COL24A1: variants seen among roughly 807,000 people sequenced by gnomAD.
COL24A1 encodes the protein collagen type XXIV alpha 1 chain.
In COL24A1, 224 loss-of-function variants were observed where a neutral mutation model predicts 253.9. The observed-to-expected ratio is 0.88, with a 90% CI of 0.79 to 0.99. COL24A1 has a LOEUF of 0.99. Among genes scored for constraint, COL24A1 ranks in the 50% least tolerant of loss-of-function variants. COL24A1 has a pLI of 0.00. For missense variants in COL24A1, 2,131 were observed against 2,068.5 expected (o/e 1.03, Z -0.59); for synonymous variants, 685 against 673.7 (o/e 1.02, Z -0.26).
chr1:86,039,401 T>C (rs889615237), intron 12 of COL24A1, among the ~76,000 whole-genome samples: 3 of 152,190 alleles, frequency 2.0e-5, no homozygotes, highest in African/African-American at 7.2e-5. Context: ...ATTATTTTCC[T>C]AGCTCCACAA....
intron 20 of COL24A1, among the ~76,000 whole-genome samples, chr1:85,980,154 C>T (rs1376107096): frequency 6.6e-6 from 1 of 151,972 alleles, no homozygotes; most frequent in Non-Finnish European, 1.5e-5. Flanking sequence ...TGATTAAAAC[C>T]CTCAGCAAAA....
chr1:85,863,450 A>G (rs1278950281), intron 37 of COL24A1, among the ~76,000 whole-genome samples: 1 of 152,194 alleles, frequency 6.6e-6, no homozygotes, highest in Non-Finnish European at 1.5e-5. Context: ...TAAAAACCCT[A>G]GAAGAAAACC....
intron 32 of COL24A1, chr1:85,883,905 AATACC>A (rs1275493100): frequency 1.3e-5 from 2 of 152,230 alleles, no homozygotes; most frequent in Non-Finnish European, 2.9e-5. Flanking sequence ...CATGAGATAC[AATACC>A]GAATACACTG....
chr1:85,925,063 T>C (rs534042225), intron 24 of COL24A1, among the ~76,000 whole-genome samples: 89 of 152,168 alleles, frequency 5.8e-4, no homozygotes, highest in Middle Eastern at 3.4e-3. Flanking sequence ...GAGTGAACTC[T>C]CATTCACAAT....
intron 14 of COL24A1, among the ~76,000 whole-genome samples, chr1:86,024,280 TC>T (rs2101386594): frequency 6.6e-6 from 1 of 152,256 alleles, no homozygotes; most frequent in East Asian, 1.9e-4. Context: ...ACTTTTTTTT[TC>T]CTGCCTTCCT....
chr1:85,841,696 T>C (rs1173038319), intron 41 of COL24A1, among the ~76,000 whole-genome samples: 4 of 152,130 alleles, frequency 2.6e-5, no homozygotes, highest in Non-Finnish European at 5.9e-5. Flanking sequence ...GAGTCCAACC[T>C]GGGCAACAGT....
intron 7 of COL24A1, among the ~76,000 whole-genome samples, chr1:86,070,617 C>T (rs776588406): frequency 3.3e-5 from 5 of 152,038 alleles, no homozygotes; most frequent in East Asian, 1.9e-4. Flanking sequence ...TACTATGGAG[C>T]GGAAATACAT....
Position 85,988,285 on chromosome 1 carries a change from T to G in COL24A1, c.2311-631A>C, listed in dbSNP as rs1234470932. ...TTAATTAATAAATTGAATAAAATCT[T>G]TGACCTGTGTTTACTTTAAATTTGC... On this transcript the variant is annotated intron_variant, in intron 19 of 59. Transcript: ENST00000370571. Among the ~76,000 whole-genome samples the G allele has an allele frequency of 3.9e-5, 6 of 152,130 alleles. No individual in the cohort carries two copies. In the East Asian group the frequency reaches 1.2e-3, roughly 29 times the overall value.
intron 2 of COL24A1, among the ~76,000 whole-genome samples, chr1:86,128,011 T>G (rs561445137): frequency 6.6e-6 from 1 of 152,184 alleles, no homozygotes; most frequent in South Asian, 2.1e-4. Context: ...AATATTTGTA[T>G]CTATGATATT....
intron 24 of COL24A1, among the ~76,000 whole-genome samples, chr1:85,954,785 C>T (rs1251327332): frequency 6.6e-6 from 1 of 152,014 alleles, no homozygotes; most frequent in Non-Finnish European, 1.5e-5. Context: ...TACGAGTAGC[C>T]TAAAAACAGG....
At chr1:86,142,541 C>CAAAAA in intron 2 of COL24A1, among the ~76,000 whole-genome samples, 1 of 144,010 alleles carries the variant, frequency 6.9e-6, no homozygotes, top group East Asian at 2.1e-4. Flanking sequence ...AAACAAAAAA[C>CAAAAA]AAAAAACAAA....
intron 57 of COL24A1, among the ~76,000 whole-genome samples, chr1:85,741,248 A>G (rs561465697): frequency 1.3e-5 from 2 of 152,158 alleles, no homozygotes; most frequent in Non-Finnish European, 2.9e-5. Flanking sequence ...TGCTGTTTCT[A>G]CTAGTTCTCA....
At chr1:86,041,997 A>T (rs1699528345) in intron 12 of COL24A1, among the ~76,000 whole-genome samples, 1 of 152,102 alleles carries the variant, frequency 6.6e-6, no homozygotes, top group Admixed American at 6.6e-5. Flanking sequence ...GGTATCCTCT[A>T]ATATTAATTA....
At chr1:85,895,028 T>C (rs1416937435) in intron 31 of COL24A1, among the ~76,000 whole-genome samples, 4 of 152,158 alleles carry the variant, frequency 2.6e-5, no homozygotes, top group Non-Finnish European at 5.9e-5. Context: ...TATGTGTATA[T>C]AACAAATCAA....
In COL24A1 at chr1:86,088,207, C is replaced by T. The variant is rs74529240; in HGVS notation, c.1707+967G>A. Among the ~76,000 whole-genome samples the T allele has an allele frequency of 2.4e-3, 363 of 152,186 alleles. 9 individuals are homozygous for T. In the East Asian group the frequency reaches 0.045, roughly 19 times the overall value. On this transcript the variant is annotated intron_variant, in intron 7 of 59. Transcript: ENST00000370571. ...TGAAGCTTAGAAGTTAAGCAACCTGCCCAAAGTTGATGGAACCTACAAAAT... is the reference window on the plus strand; with the variant it reads ...TGAAGCTTAGAAGTTAAGCAACCTGTCCAAAGTTGATGGAACCTACAAAAT...
intron 57 of COL24A1, among the ~76,000 whole-genome samples, chr1:85,743,118 C>T (rs6682235): frequency 0.89 from 135,445 of 152,150 alleles, 61,070 homozygotes; most frequent in Non-Finnish European, 0.97. Context: ...GTCACTTCTT[C>T]GCTCAGCAAT....
Position 85,896,338 on chromosome 1 carries a change from A to G in COL24A1, c.2832+18T>C. Reference sequence around the variant, plus strand: ...ATAAAATTTAACTACATATGAAATGAGAAAAATCAATGATTACCTTGGCAC... The same window carrying G: ...ATAAAATTTAACTACATATGAAATGGGAAAAATCAATGATTACCTTGGCAC... On this transcript the variant is annotated intron_variant, in intron 29 of 59. Transcript: ENST00000370571. 6.2e-7 allele frequency: 1 copy of G among 1,607,348 alleles called. No individual in the cohort carries two copies. The highest frequency in any genetic ancestry group is 8.5e-7 in the Non-Finnish European group (1 of 1,174,146).
At chr1:85,977,285 G>T (rs974057011) in intron 20 of COL24A1, among the ~76,000 whole-genome samples, 1 of 152,128 alleles carries the variant, frequency 6.6e-6, no homozygotes, top group Non-Finnish European at 1.5e-5. Context: ...AACCAGAAAA[G>T]TAATTCTGGT....
At chr1:85,815,875 G>C (rs1275486448) in intron 47 of COL24A1, among the ~76,000 whole-genome samples, 1 of 152,162 alleles carries the variant, frequency 6.6e-6, no homozygotes, top group Admixed American at 6.6e-5. Context: ...TGACATTAGG[G>C]AAGGAAAGCG....
Sources: allele counts gnomAD v4.1 joint callset (sites outside exome capture counted in the v4.1 genomes callset), GRCh38; gene constraint gnomAD v4.1.1; transcripts MANE v1.5; gene names NCBI Gene and HGNC (gene_info 2026-07-23, HGNC 2026-07-21).